KPNA4: variants seen among roughly 807,000 people sequenced by gnomAD.
The protein encoded by KPNA4 is karyopherin subunit alpha 4, also known as importin subunit alpha-3.
Under a neutral mutation model 71.3 loss-of-function variants are expected in KPNA4, and 13 were observed. The observed-to-expected ratio is 0.18, with a 90% CI of 0.12 to 0.29. The LOEUF is 0.29. Among genes scored for constraint, KPNA4 ranks in the 10% least tolerant of loss-of-function variants. The probability of loss-of-function intolerance (pLI) is 1.00; values close to 1 mark genes in which losing one functional copy is unlikely to be tolerated. For synonymous variants in KPNA4, 189 were observed against 195.2 expected, an observed-to-expected ratio of 0.97 and a Z score of 0.26; for missense variants, 334 against 603.2, an observed-to-expected ratio of 0.55 and a Z score of 4.67.
rs1367519851 is a variant in KPNA4 at position 160,565,274 on chromosome 3, G to C, written c.9C>G (p.Asp3Glu). The change falls in exon 1 of 17, where the codon GAC (aspartate) becomes GAG (glutamate). Residue 3 changes from aspartate (D) to glutamate (E), a missense_variant. Coordinates refer to ENST00000334256, the MANE Select transcript of KPNA4 (RefSeq NM_002268.5). MA[D>E]NEKLDNQRLK... is the part of the protein sequence containing the mutation. ...GCCGTTGGTTGTCCAGTTTCTCGTT[G>C]TCCGCCATGGCCGGGCCGGTGACTC... The C allele has an allele frequency of 6.2e-7, 1 of 1,604,520 alleles. No individual in the cohort carries two copies. Among genetic ancestry groups the C allele is most frequent in the Non-Finnish European group, 8.5e-7 (1 of 1,175,712 alleles).
chr3:160,534,673 C>T (rs914423049), intron 5 of KPNA4, among the ~76,000 whole-genome samples: 4 of 139,008 alleles, frequency 2.9e-5, no homozygotes, highest in Non-Finnish European at 3.0e-5. Context: ...GCTGAGATTG[C>T]GCCACTGGAC....
In KPNA4 at chr3:160,519,712, G is replaced by A. The variant is rs555321069; in HGVS notation, c.903+2067C>T. Among the ~76,000 whole-genome samples, 7 of 150,210 alleles carry A rather than the reference G, an allele frequency of 4.7e-5. No individual in the cohort carries two copies. In the East Asian group the frequency reaches 9.8e-4, roughly 21 times the overall value. On this transcript the variant is annotated intron_variant, in intron 11 of 16. Transcript: ENST00000334256. ...GGGGAGGCTGAGGCAGGAGAATGGCGTGAACCCGGGAAGCGGAGCTTGCAG... is the reference window on the plus strand; with the variant it reads ...GGGGAGGCTGAGGCAGGAGAATGGCATGAACCCGGGAAGCGGAGCTTGCAG...
At chr3:160,539,908 A>G (rs967989824) in intron 1 of KPNA4, among the ~76,000 whole-genome samples, 1 of 151,836 alleles carries the variant, frequency 6.6e-6, no homozygotes, top group Non-Finnish European at 1.5e-5. Flanking sequence ...ATTTACATAA[A>G]TGTTTTGTTT....
intron 12 of KPNA4, 130 bp from the exon 13 acceptor site, chr3:160,514,311 G>C (rs1165942489): frequency 1.7e-6 from 1 of 594,602 alleles, no homozygotes. Flanking sequence ...AAAATCTCAG[G>C]AATCTCAATT....
Position 160,496,963 on chromosome 3 carries a change from T to C in KPNA4, c.*5141A>G, listed in dbSNP as rs1293628333. 6.6e-6 allele frequency: 1 copy of C among 152,228 alleles called. No individual in the cohort carries two copies. Among genetic ancestry groups the C allele is most frequent in the Non-Finnish European group, 1.5e-5 (1 of 68,032 alleles). The allele number at this position is 152,228 out of a possible 1,614,324, so 9.4% of individuals were successfully genotyped here. On this transcript the variant is annotated 3_prime_UTR_variant, in exon 17 of 17. Transcript: ENST00000334256. ...AATTTTCAAGATTATTGTTAACTTC[T>C]GGGTTAAGTGTTTAGGGAAAAAAAT...
intron 5 of KPNA4, among the ~76,000 whole-genome samples, chr3:160,535,012 T>C (rs1721658308): frequency 6.6e-6 from 1 of 151,802 alleles, no homozygotes; most frequent in Non-Finnish European, 1.5e-5. Context: ...GTGAGCCACC[T>C]CGCCCGGCCG....
At chr3:160,526,692 G>A (rs1721466536) in intron 8 of KPNA4, among the ~76,000 whole-genome samples, 1 of 152,202 alleles carries the variant, frequency 6.6e-6, no homozygotes, top group Admixed American at 6.5e-5. Context: ...GAACTGCCAA[G>A]TTTAATTTCT....
intron 15 of KPNA4, among the ~76,000 whole-genome samples, chr3:160,505,256 T>G (rs1720960745): frequency 1.3e-5 from 2 of 151,842 alleles, no homozygotes; most frequent in African/African-American, 4.9e-5. Flanking sequence ...ACAACCTGAG[T>G]GTCTAACTGC....
chr3:160,563,683 A>C (rs755538306), intron 1 of KPNA4, among the ~76,000 whole-genome samples: 4 of 152,188 alleles, frequency 2.6e-5, no homozygotes, highest in Non-Finnish European at 5.9e-5. Flanking sequence ...TTCTCATTCT[A>C]AGTATTCATA....
chr3:160,517,679 C>T lies in KPNA4; in HGVS notation c.904-2099G>A, dbSNP rs1333357768. 2.0e-5 allele frequency among the ~76,000 whole-genome samples: 3 copies of T among 152,064 alleles called. 1 individual carries two copies. The highest frequency in any genetic ancestry group is 7.3e-5 in the African/African-American group (3 of 41,324). On this transcript the variant is annotated intron_variant, in intron 11 of 16. Coordinates refer to ENST00000334256, the MANE Select transcript of KPNA4 (RefSeq NM_002268.5). ...CTGGTGGGTGTGAAGTAGTATCTCA[C>T]TGTGGCTTTAATTCCCTTTCCTTAA...
At chr3:160,553,343 G>A (rs921005825) in intron 1 of KPNA4, among the ~76,000 whole-genome samples, 3 of 152,158 alleles carry the variant, frequency 2.0e-5, no homozygotes, top group Non-Finnish European at 2.9e-5. Flanking sequence ...AAGCAGGCCA[G>A]GAGTAAAAAC....
intron 5 of KPNA4, among the ~76,000 whole-genome samples, chr3:160,533,227 G>A (rs1487665196): frequency 2.6e-5 from 4 of 152,070 alleles, no homozygotes; most frequent in Admixed American, 1.3e-4. Flanking sequence ...GTTTCACCAT[G>A]CTGGCCAGGC....
intron 15 of KPNA4, 109 bp downstream of exon 15, chr3:160,507,998 A>T: frequency 1.2e-6 from 1 of 810,088 alleles, no homozygotes; most frequent in Non-Finnish European, 1.9e-6. Flanking sequence ...TTATTCTGTT[A>T]CTTGAATATC....
At chr3:160,562,922 A>T (rs1403771194) in intron 1 of KPNA4, among the ~76,000 whole-genome samples, 1 of 152,240 alleles carries the variant, frequency 6.6e-6, no homozygotes, top group African/African-American at 2.4e-5. Context: ...GATATGAGGT[A>T]GGAGGAAACA....
At chr3:160,511,714 T>TTTTATA (rs1553784742) in intron 13 of KPNA4, among the ~76,000 whole-genome samples, 20 of 146,528 alleles carry the variant, frequency 1.4e-4, no homozygotes, top group African/African-American at 4.7e-4. Context: ...TTTGTTATTT[T>TTTTATA]TATATATATA....
chr3:160,525,129 C>T (rs890947831), intron 10 of KPNA4, among the ~76,000 whole-genome samples: 1 of 152,200 alleles, frequency 6.6e-6, no homozygotes, highest in African/African-American at 2.4e-5. Context: ...TTTTCCTCTG[C>T]CATCTGTGTT....
chr3:160,502,455 C>T (rs1720903277), intron 16 of KPNA4, among the ~76,000 whole-genome samples: 1 of 151,988 alleles, frequency 6.6e-6, no homozygotes, highest in Non-Finnish European at 1.5e-5. Flanking sequence ...ATTGCAGCCT[C>T]AACCTCTTGG....
chr3:160,524,449 C>A lies in KPNA4; in HGVS notation c.771+1351G>T, dbSNP rs542034964. Among the ~76,000 whole-genome samples the A allele has an allele frequency of 1.3e-3, 200 of 152,200 alleles. 1 individual carries two copies. The highest frequency in any genetic ancestry group is 3.4e-3 in the Middle Eastern group (1 of 294). ...CCTTGACCTCCCCAGCTCAGGAGAT[C>A]CTCCTGCCTCAGCCACTGAGTAGCT... On this transcript the variant is annotated intron_variant, in intron 10 of 16. Coordinates refer to ENST00000334256, the MANE Select transcript of KPNA4 (RefSeq NM_002268.5).
At chr3:160,539,445 A>T (rs1721753694) in intron 1 of KPNA4, among the ~76,000 whole-genome samples, 1 of 152,192 alleles carries the variant, frequency 6.6e-6, no homozygotes, top group African/African-American at 2.4e-5. Flanking sequence ...AGGCTTAGAG[A>T]AGTTAGATTG....
Sources: gnomAD v4.1 joint callset for allele counts (sites outside exome capture counted in the v4.1 genomes callset) on GRCh38, gnomAD v4.1.1 for gene constraint, MANE v1.5 for transcripts, NCBI Gene and HGNC (gene_info 2026-07-23, HGNC 2026-07-21) for gene names.